Variants in FSTL4 observed in about 807,000 individuals in gnomAD.
FSTL4 encodes the protein follistatin-related protein 4.
In FSTL4, 28 loss-of-function variants were observed where a neutral mutation model predicts 78.2. The observed-to-expected ratio is 0.36, with a 90% CI of 0.27 to 0.49. The LOEUF (loss-of-function observed/expected upper bound fraction) is 0.49, where lower values mean the gene tolerates loss of function less well. FSTL4 is among the 20% of genes least tolerant of loss of function. The pLI, the probability that FSTL4 is intolerant of heterozygous loss-of-function variation, is 0.98. For missense variants in FSTL4, 922 were observed against 1,084.9 expected (o/e 0.85, Z 2.11); for synonymous variants, 422 against 440.5 (o/e 0.96, Z 0.53).
chr5:133,204,744 ATTGT>A (rs67266593), intron 14 of FSTL4, among the ~76,000 whole-genome samples: 42,929 of 150,372 alleles, frequency 0.29, 6,426 homozygotes, highest in East Asian at 0.43. Context: ...AGGCACGAGA[ATTGT>A]TTGTTTGAAC....
chr5:133,767,398 G>A, the FSTL4 span, among the ~76,000 whole-genome samples: 1 of 152,194 alleles, frequency 6.6e-6, no homozygotes, highest in African/African-American at 2.4e-5. Context: ...GGAAGGTGGA[G>A]GGTGGGCCTG....
chr5:133,713,732 CT>C, the FSTL4 span, among the ~76,000 whole-genome samples: 1 of 152,202 alleles, frequency 6.6e-6, no homozygotes, highest in African/African-American at 2.4e-5. Flanking sequence ...AGTCCTTGAT[CT>C]CTCTGTCTAA....
the FSTL4 span, among the ~76,000 whole-genome samples, chr5:133,700,360 GCACCACACCAAAC>G: frequency 7.9e-6 from 1 of 127,240 alleles, no homozygotes; most frequent in African/African-American, 3.1e-5. Context: ...TCACACCAAA[GCACCACACCAAAC>G]CACCACACCA....
chr5:133,489,024 G>T (rs1021536473), intron 3 of FSTL4, among the ~76,000 whole-genome samples: 9 of 152,072 alleles, frequency 5.9e-5, no homozygotes, highest in African/African-American at 2.2e-4. Context: ...GGTAGCAGGG[G>T]TTAAATGAGC....
chr5:133,537,055 A>G (rs1759364312), intron 3 of FSTL4, among the ~76,000 whole-genome samples: 2 of 152,196 alleles, frequency 1.3e-5, no homozygotes, highest in Non-Finnish European at 2.9e-5. Flanking sequence ...ACTGTTTCCC[A>G]AAAGAGTTGC....
In FSTL4 at chr5:133,199,209, G is replaced by A. The variant is rs1252097289; in HGVS notation, c.2415C>T (p.Leu805=). The A allele has an allele frequency of 6.2e-7, 1 of 1,613,416 alleles. No individual in the cohort carries two copies. Among genetic ancestry groups the A allele is most frequent in the Non-Finnish European group, 8.5e-7 (1 of 1,179,452 alleles). The change falls in exon 16 of 16, where the codon CTC becomes CTT. Residue 805 remains leucine (L), a synonymous_variant. Transcript: ENST00000265342. The surrounding 1 kb of genome is among the most constrained non-coding windows in gnomAD (Gnocchi z 4.4). ...MRDSGLFGQY[L]LTPARESLFL... is the part of the protein sequence containing the mutation. Reference sequence around the variant, plus strand: ...ACAGTGACTCTCGGGCTGGTGTGAGGAGGTACTGTCCAAACAGCCCACTGT... The same window carrying A: ...ACAGTGACTCTCGGGCTGGTGTGAGAAGGTACTGTCCAAACAGCCCACTGT...
intron 2 of FSTL4, among the ~76,000 whole-genome samples, chr5:133,598,806 C>A (rs924035476): frequency 6.6e-6 from 1 of 152,210 alleles, no homozygotes; most frequent in Non-Finnish European, 1.5e-5. Flanking sequence ...AAGTCAAGTA[C>A]TAGAATTTGC....
At position 133,500,415 on chromosome 5, in the gene FSTL4, G is replaced by A. The variant is rs144675319; in HGVS notation, c.160+66771C>T. On this transcript the variant is annotated intron_variant, in intron 3 of 15. Coordinates refer to ENST00000265342, the MANE Select transcript of FSTL4 (RefSeq NM_015082.2). The stretch of plus-strand genomic sequence containing the variant: ...AAAAGGTAATGAGATCTAAGGTATC[G>A]GTTCAATTCCTTCCTCAGAAGGAAC... Among the ~76,000 whole-genome samples the A allele has an allele frequency of 8.6e-3, 1,305 of 152,214 alleles. 21 individuals carry two copies. Among genetic ancestry groups the A allele is most frequent in the African/African-American group, 0.029 (1,225 of 41,530 alleles).
chr5:133,481,560 A>AAAT, intron 3 of FSTL4, among the ~76,000 whole-genome samples: 1 of 150,706 alleles, frequency 6.6e-6, no homozygotes, highest in African/African-American at 2.5e-5. Flanking sequence ...AAAAAAAAAA[A>AAAT]GCTATTAAGC....
At chr5:133,583,385 T>C in intron 2 of FSTL4, 2 of 269,508 alleles carry the variant, frequency 7.4e-6, no homozygotes, top group Non-Finnish European at 1.5e-5. Context: ...CCATCTGAGG[T>C]ACCGGGTTCA....
chr5:133,681,764 A>G, the FSTL4 span, among the ~76,000 whole-genome samples: 1 of 152,204 alleles, frequency 6.6e-6, no homozygotes, highest in Admixed American at 6.5e-5. Flanking sequence ...GAAATGACCC[A>G]TCATCAGAGC....
At chr5:133,307,083 G>C (rs1021981514) in intron 6 of FSTL4, among the ~76,000 whole-genome samples, 1 of 152,198 alleles carries the variant, frequency 6.6e-6, no homozygotes, top group Non-Finnish European at 1.5e-5. Context: ...TTAAAGCCCA[G>C]TTTAACCTCT....
At chr5:133,563,541 A>G (rs1161289072) in intron 3 of FSTL4, among the ~76,000 whole-genome samples, 1 of 152,256 alleles carries the variant, frequency 6.6e-6, no homozygotes, top group Non-Finnish European at 1.5e-5. Context: ...GAACGTGAAC[A>G]TTCTCTGAAA....
chr5:133,487,198 C>G (rs749623418), intron 3 of FSTL4, among the ~76,000 whole-genome samples: 1 of 152,218 alleles, frequency 6.6e-6, no homozygotes, highest in Non-Finnish European at 1.5e-5. Flanking sequence ...AGGCCTGACA[C>G]AGAGCTCCTG....
At chr5:133,290,941 C>A (rs776093078) in intron 6 of FSTL4, among the ~76,000 whole-genome samples, 2 of 152,220 alleles carry the variant, frequency 1.3e-5, no homozygotes, top group Non-Finnish European at 2.9e-5. Context: ...CCAGTGAGTC[C>A]GCAGTGCTGG....
chr5:133,714,515 C>A, the FSTL4 span, among the ~76,000 whole-genome samples: 1 of 152,182 alleles, frequency 6.6e-6, no homozygotes, highest in Non-Finnish European at 1.5e-5. Context: ...AGAGGAGGTA[C>A]TCAAAAATAC....
chr5:133,577,856 G>A lies in FSTL4; in HGVS notation c.127-10637C>T, dbSNP rs181196774. The stretch of plus-strand genomic sequence containing the variant: ...AGGGAGGTAGAGGCTGCAATGGAGC[G>A]CCACTGCACTCCAACCTGGGTGATA... On this transcript the variant is annotated intron_variant, in intron 2 of 15. Coordinates refer to ENST00000265342, the MANE Select transcript of FSTL4 (RefSeq NM_015082.2). 3.0e-4 allele frequency among the ~76,000 whole-genome samples: 45 copies of A among 152,208 alleles called. 1 individual carries two copies. Among genetic ancestry groups the A allele is most frequent in the African/African-American group, 9.6e-4 (40 of 41,546 alleles).
intron 11 of FSTL4, among the ~76,000 whole-genome samples, chr5:133,221,813 T>A (rs1751115192): frequency 6.6e-6 from 1 of 151,842 alleles, no homozygotes; most frequent in African/African-American, 2.4e-5. Flanking sequence ...TTCCCTTCCT[T>A]TCTTCATTTC....
At chr5:133,683,420 C>T in the FSTL4 span, among the ~76,000 whole-genome samples, 2 of 152,248 alleles carry the variant, frequency 1.3e-5, no homozygotes, top group Admixed American at 1.3e-4. Context: ...TGTTTTAATG[C>T]AAATTTAATA....
Sources: gnomAD v4.1 joint callset for allele counts (sites outside exome capture counted in the v4.1 genomes callset) on GRCh38, gnomAD v4.1.1 for gene constraint, Gnocchi (gnomAD v3.1) non-coding constraint, MANE v1.5 for transcripts, NCBI Gene and HGNC (gene_info 2026-07-23, HGNC 2026-07-21) for gene names.